KCNIP4: variants seen among roughly 807,000 people sequenced by gnomAD.
The protein encoded by KCNIP4 is Kv channel-interacting protein 4.
Under a neutral mutation model 34.0 loss-of-function variants are expected in KCNIP4, and 12 were observed. The observed-to-expected ratio is 0.35, with a 90% confidence interval of 0.23 to 0.57. The LOEUF (loss-of-function observed/expected upper bound fraction) is 0.57. Ranked by LOEUF, KCNIP4 falls within the 20% of genes least tolerant of loss-of-function variation. KCNIP4 has a pLI of 0.83. For synonymous variants in KCNIP4, 124 were observed against 102.2 expected (o/e 1.21, Z -1.29); for missense variants, 238 against 311.7 (o/e 0.76, Z 1.78).
intron 1 of KCNIP4, among the ~76,000 whole-genome samples, chr4:21,928,127 TAC>T (rs1553837569): frequency 2.8e-5 from 4 of 143,964 alleles, no homozygotes; most frequent in African/African-American, 7.6e-5. Context: ...TATATATATA[TAC>T]ACACACACAC....
At chr4:21,095,204 A>G (rs2163933) in intron 1 of KCNIP4, among the ~76,000 whole-genome samples, 24,257 of 152,232 alleles carry the variant, frequency 0.16, 2,044 homozygotes, top group East Asian at 0.23. Flanking sequence ...GTGATCATTC[A>G]TGTTGTTTAG....
chr4:20,828,851 T>C (rs746093543), intron 3 of KCNIP4, among the ~76,000 whole-genome samples: 74 of 152,146 alleles, frequency 4.9e-4, no homozygotes, highest in Non-Finnish European at 9.1e-4. Flanking sequence ...CAAAAGCCCT[T>C]GGAATAAGAG....
At chr4:21,002,790 G>C (rs574339214) in intron 1 of KCNIP4, among the ~76,000 whole-genome samples, 36 of 152,250 alleles carry the variant, frequency 2.4e-4, no homozygotes, top group Non-Finnish European at 3.8e-4. Flanking sequence ...AGAACAATGG[G>C]ATTCAAGTCA....
At chr4:21,553,641 GT>G (rs1421590170) in intron 1 of KCNIP4, among the ~76,000 whole-genome samples, 1 of 152,050 alleles carries the variant, frequency 6.6e-6, no homozygotes, top group Non-Finnish European at 1.5e-5. Flanking sequence ...ATTATTCTGA[GT>G]TTTAATTTAG....
intron 1 of KCNIP4, 41 bp downstream of exon 1, chr4:21,948,530 G>C (rs762701751): frequency 5.0e-6 from 8 of 1,591,418 alleles, no homozygotes; most frequent in Non-Finnish European, 6.8e-6. Flanking sequence ...AGGGAAGGAG[G>C]GCGGAAGCGG....
chr4:21,108,704 C>T (rs1233616865), intron 1 of KCNIP4, among the ~76,000 whole-genome samples: 4 of 151,626 alleles, frequency 2.6e-5, no homozygotes, highest in African/African-American at 9.8e-5. Flanking sequence ...TTCTTCTGCT[C>T]TGTTTTTTCC....
At chr4:21,153,914 C>T (rs1752952506) in intron 1 of KCNIP4, among the ~76,000 whole-genome samples, 1 of 151,670 alleles carries the variant, frequency 6.6e-6, no homozygotes, top group Admixed American at 6.6e-5. Context: ...CAGAGACTTA[C>T]AGCCAAACAC....
chr4:21,575,541 C>T (rs550362646), intron 1 of KCNIP4, among the ~76,000 whole-genome samples: 20 of 151,980 alleles, frequency 1.3e-4, no homozygotes, highest in Non-Finnish European at 2.5e-4. Flanking sequence ...TTCTCTTCCT[C>T]CTCTTCCTTT....
intron 1 of KCNIP4, among the ~76,000 whole-genome samples, chr4:21,840,346 C>A (rs1219164044): frequency 2.0e-5 from 3 of 152,044 alleles, no homozygotes; most frequent in Non-Finnish European, 4.4e-5. Context: ...GACGACGTTG[C>A]ACAAGTTGCT....
intron 1 of KCNIP4, among the ~76,000 whole-genome samples, chr4:21,476,179 T>C (rs1256857480): frequency 1.3e-5 from 2 of 152,202 alleles, no homozygotes; most frequent in African/African-American, 4.8e-5. Flanking sequence ...GCATTTTATA[T>C]AGGTAAAGCT....
chr4:21,832,948 T>C (rs1450323109), intron 1 of KCNIP4, among the ~76,000 whole-genome samples: 88 of 149,952 alleles, frequency 5.9e-4, no homozygotes, highest in African/African-American at 2.1e-3. Context: ...GCATAGTATT[T>C]CATGGTGTAT....
At chr4:21,510,743 C>G (rs999793755) in intron 1 of KCNIP4, among the ~76,000 whole-genome samples, 11 of 151,968 alleles carry the variant, frequency 7.2e-5, no homozygotes, top group African/African-American at 2.2e-4. Flanking sequence ...TTTGGCCAGG[C>G]ATGGTGGCTC....
intron 1 of KCNIP4, among the ~76,000 whole-genome samples, chr4:21,666,870 G>A (rs1172706291): frequency 6.6e-6 from 1 of 152,146 alleles, no homozygotes; most frequent in African/African-American, 2.4e-5. Flanking sequence ...TTCTTCTCCT[G>A]CTTACCTTTC....
At chr4:21,879,655 G>T (rs906989651) in intron 1 of KCNIP4, among the ~76,000 whole-genome samples, 1 of 152,170 alleles carries the variant, frequency 6.6e-6, no homozygotes, top group African/African-American at 2.4e-5. Flanking sequence ...CACCATTAAA[G>T]ACAACCAATT....
At chr4:21,675,526 T>G (rs550970512) in intron 1 of KCNIP4, among the ~76,000 whole-genome samples, 2 of 152,300 alleles carry the variant, frequency 1.3e-5, no homozygotes, top group Admixed American at 1.3e-4. Context: ...TATTTCACAT[T>G]GCATGCCTGT....
At position 21,015,477 on chromosome 4, in the gene KCNIP4, A is replaced by G. The variant is rs1739421490; in HGVS notation, c.62-132768T>C. 5.5e-5 allele frequency among the ~76,000 whole-genome samples: 7 copies of G among 126,846 alleles called. No individual in the cohort carries two copies. In the South Asian group the frequency reaches 1.8e-3, roughly 32 times the overall value. 83.2% of individuals were successfully genotyped at this position (126,846 alleles called of 152,430 possible). Reference sequence around the variant, plus strand: ...ATCATATAATATATAACCATATAATATATATTATATATAACACATTATAGA... The same window carrying G: ...ATCATATAATATATAACCATATAATGTATATTATATATAACACATTATAGA... On this transcript the variant is annotated intron_variant, in intron 1 of 8. Transcript: ENST00000382152.
intron 1 of KCNIP4, among the ~76,000 whole-genome samples, chr4:21,205,841 G>A (rs1016533118): frequency 1.3e-5 from 2 of 152,086 alleles, no homozygotes; most frequent in Non-Finnish European, 2.9e-5. Context: ...CTCAAATCCC[G>A]CTAGATTGGG....
At chr4:21,447,364 G>A (rs1728123126) in intron 1 of KCNIP4, among the ~76,000 whole-genome samples, 2 of 152,114 alleles carry the variant, frequency 1.3e-5, no homozygotes, top group Admixed American at 1.3e-4. Context: ...GCAACCTGCT[G>A]ACAACTTGAT....
intron 1 of KCNIP4, among the ~76,000 whole-genome samples, chr4:21,527,400 CT>C (rs1441696901): frequency 6.6e-6 from 1 of 152,094 alleles, no homozygotes; most frequent in Non-Finnish European, 1.5e-5. Flanking sequence ...GCCTATATTA[CT>C]TTTACACTCA....
Sources: gnomAD v4.1 joint callset for allele counts (sites outside exome capture counted in the v4.1 genomes callset) on GRCh38, gnomAD v4.1.1 for gene constraint, MANE v1.5 for transcripts, NCBI Gene and HGNC (gene_info 2026-07-23, HGNC 2026-07-21) for gene names.